Variants in DNHD1 observed in about 807,000 individuals in gnomAD.
The protein encoded by DNHD1 is dynein heavy chain domain-containing protein 1.
In DNHD1, 383 loss-of-function variants were observed where a neutral mutation model predicts 458.1. The observed-to-expected ratio is 0.84, with a 90% CI of 0.77 to 0.91. The LOEUF (loss-of-function observed/expected upper bound fraction) is 0.91. Among genes scored for constraint, DNHD1 ranks in the 40% least tolerant of loss-of-function variants. DNHD1 has a pLI of 0.00. For synonymous variants in DNHD1, 2,203 were observed against 2,376.9 expected (o/e 0.93, Z 2.13); for missense variants, 5,336 against 5,866.1 (o/e 0.91, Z 2.95).
In DNHD1 at chr11:6,523,004, A is replaced by C. The variant is rs552529180; in HGVS notation, c.1837+2715A>C. Among the ~76,000 whole-genome samples the C allele has an allele frequency of 1.3e-3, 204 of 152,342 alleles. 1 individual carries two copies. Among genetic ancestry groups the C allele is most frequent in the African/African-American group, 4.8e-3 (200 of 41,590 alleles). On this transcript the variant is annotated intron_variant, in intron 10 of 42. Coordinates refer to ENST00000254579, the MANE Select transcript of DNHD1 (RefSeq NM_144666.3). ...TTGATGTCCTTACAATTTTATCGGA[A>C]GTTTTCTGCAGTTCAAAACTCAGAA...
chr11:6,567,983 G>T, intron 36 of DNHD1, 73 bp from the exon 37 acceptor site: 1 of 1,482,278 alleles, frequency 6.7e-7, no homozygotes, highest in South Asian at 1.4e-5. Flanking sequence ...GATCATGGTA[G>T]CATTAGTTTG....
At position 6,571,224 on chromosome 11, in the gene DNHD1, A is replaced by T; in HGVS notation, c.13712A>T (p.Asp4571Val). The T allele has an allele frequency of 6.2e-7, 1 of 1,611,434 alleles. No homozygotes were observed. Among genetic ancestry groups the T allele is most frequent in the Non-Finnish European group, 8.5e-7 (1 of 1,179,038 alleles). ...GTTCGTTACTTGGGCGTGGGCGCGG[A>T]CGCGAGCAGTGATGTACCAGAGCGC... ...LLVRYLGVGA[D>V]ASSDVPERVF... Residue 4571 changes from aspartate (D) to valine (V), a missense_variant, in exon 42 of 43, where the codon GAC (aspartate) becomes GTC (valine). Physicochemically the swap from Asp to Val is radical, Grantham distance 152. Around this residue, in one of 4 missense-constraint regions of DNHD1, gnomAD observed 698 missense variants for 664.9 expected, o/e 1.05. Coordinates refer to ENST00000254579, the MANE Select transcript of DNHD1 (RefSeq NM_144666.3). This position sits in a 1 kb window ranked among gnomAD's most constrained non-coding sequence, Gnocchi z 5.0.
At position 6,557,776 on chromosome 11, in the gene DNHD1, G is replaced by A; in HGVS notation, c.8481G>A (p.Leu2827=). The A allele has an allele frequency of 6.4e-6, 10 of 1,551,576 alleles. 1 individual carries two copies. Among genetic ancestry groups the A allele is most frequent in the Non-Finnish European group, 7.8e-6 (9 of 1,146,966 alleles). Residue 2827 remains leucine (L), a synonymous_variant, in exon 25 of 43, where the codon CTG becomes CTA. Coordinates refer to ENST00000254579, the MANE Select transcript of DNHD1 (RefSeq NM_144666.3). ...TGGTCTTCAGTCAGGAGCTGATACT[G>A]GGGCCTAACTCTGAGACCCCCAACT... ...SDLVFSQELI[L]GPNSETPNLY...
intron 36 of DNHD1, 26 bp downstream of exon 36, chr11:6,567,886 G>A: frequency 1.3e-6 from 2 of 1,584,290 alleles, no homozygotes; most frequent in Non-Finnish European, 1.7e-6. Flanking sequence ...CTTGGCCACA[G>A]AGTGACCAGG....
intron 31 of DNHD1, 97 bp from the exon 32 acceptor site, chr11:6,564,236 C>A: frequency 6.9e-7 from 1 of 1,451,674 alleles, no homozygotes; most frequent in Non-Finnish European, 9.3e-7. Context: ...CCTTGCCGTA[C>A]TTTCCTCCAC....
At chr11:6,538,348 AG>A in intron 14 of DNHD1, 34 bp from the exon 15 acceptor site, 1 of 1,551,166 alleles carries the variant, frequency 6.4e-7, no homozygotes, top group Non-Finnish European at 8.7e-7. Context: ...CAACACTGCA[AG>A]TAGCCCAGGT....
chr11:6,502,653 G>C (rs1328724618), intron 3 of DNHD1, 100 bp from the exon 4 acceptor site: 8 of 1,153,162 alleles, frequency 6.9e-6, no homozygotes, highest in Non-Finnish European at 8.3e-6. Context: ...TCAGGCACCT[G>C]ATCTAGTCCT....
Position 6,570,805 on chromosome 11 carries a change from C to G in DNHD1, c.13293C>G (p.Gly4431=), listed in dbSNP as rs746397574. ...SPVWVPESRR[G]AQLAERRLRQ... is the part of the protein sequence containing the mutation. ...TGTGGGTTCCTGAGTCTCGAAGAGGCGCCCAGCTTGCGGAAAGGCGACTGC... is the reference window on the plus strand; with the variant it reads ...TGTGGGTTCCTGAGTCTCGAAGAGGGGCCCAGCTTGCGGAAAGGCGACTGC... The change falls in exon 42 of 43, where the codon GGC becomes GGG. Residue 4431 remains glycine (G), a synonymous_variant. Coordinates refer to ENST00000254579, the MANE Select transcript of DNHD1 (RefSeq NM_144666.3). The G allele has an allele frequency of 1.9e-6, 3 of 1,613,800 alleles. No homozygotes were observed. Among genetic ancestry groups the G allele is most frequent in the South Asian group, 2.2e-5 (2 of 91,066 alleles).
rs1016863374 is a variant in DNHD1 at position 6,563,415 on chromosome 11, C to G, written c.9703C>G (p.Leu3235Val). The change falls in exon 30 of 43, where the codon CTG becomes GTG. Residue 3235 changes from leucine to valine, a missense_variant. Physicochemically the swap from Leu to Val is conservative, Grantham distance 32. Around this residue, in one of 4 missense-constraint regions of DNHD1, gnomAD observed 3,932 missense variants for 4,365.6 expected, o/e 0.90. Transcript: ENST00000254579. Reference sequence around the variant, plus strand: ...GGCATTTCTGGAGCCTCTGAGCCAGCTGCAGGTGGCTGACTTTGAGGAGAT... The same window carrying G: ...GGCATTTCTGGAGCCTCTGAGCCAGGTGCAGGTGGCTGACTTTGAGGAGAT... ...SKAFLEPLSQ[L>V]QVADFEEIRS... 4.1e-5 allele frequency: 64 copies of G among 1,551,586 alleles called. No homozygotes were observed. Among genetic ancestry groups the G allele is most frequent in the Non-Finnish European group, 5.4e-5 (62 of 1,147,004 alleles).
intron 39 of DNHD1, among the ~76,000 whole-genome samples, chr11:6,569,316 T>A (rs1307477207): frequency 6.6e-6 from 1 of 152,070 alleles, no homozygotes. Flanking sequence ...ACCCCATCTG[T>A]ACTAAAAATA....
At position 6,571,975 on chromosome 11, in the gene DNHD1, C is replaced by T. The variant is rs372653037; in HGVS notation, c.14251C>T (p.Pro4751Ser). Residue 4751 changes from proline to serine, a missense_variant, in exon 43 of 43, where the codon CCC (proline) becomes TCC (serine). Coordinates refer to ENST00000254579, the MANE Select transcript of DNHD1 (RefSeq NM_144666.3). This position sits in a 1 kb window ranked among gnomAD's most constrained non-coding sequence, Gnocchi z 5.0. ...AAGGAGGGTCCATGTGTGCAGCCCACCCCTGTCTTGAGCCCGTCTACCAAA... is the reference window on the plus strand; with the variant it reads ...AAGGAGGGTCCATGTGTGCAGCCCATCCCTGTCTTGAGCCCGTCTACCAAA... Reference protein sequence around the residue: ...VQRRVHVCSPPLS With the variant: ...VQRRVHVCSPSLS The T allele has an allele frequency of 6.2e-7, 1 of 1,603,710 alleles. No homozygotes were observed. The highest frequency in any genetic ancestry group is 8.5e-7 in the Non-Finnish European group (1 of 1,172,444).
At position 6,571,048 on chromosome 11, in the gene DNHD1, C is replaced by G; in HGVS notation, c.13536C>G (p.Gly4512=). The change falls in exon 42 of 43, where the codon GGC becomes GGG. Residue 4512 remains glycine, a synonymous_variant. Coordinates refer to ENST00000254579, the MANE Select transcript of DNHD1 (RefSeq NM_144666.3). This position sits in a 1 kb window ranked among gnomAD's most constrained non-coding sequence, Gnocchi z 5.0. ...DLDCLLQQLK[G]APPCPSRRCA... ...ATTGCCTGTTGCAGCAGCTGAAGGG[C>G]GCACCCCCGTGCCCCTCCCGCCGCT... is the stretch of plus-strand genomic sequence containing the variant. The G allele has an allele frequency of 6.3e-7, 1 of 1,578,620 alleles. No individual in the cohort carries two copies. Among genetic ancestry groups the G allele is most frequent in the South Asian group, 1.2e-5 (1 of 86,092 alleles).
In DNHD1 at chr11:6,538,797, G is replaced by A. The variant is rs1853024851; in HGVS notation, c.3312G>A (p.Gln1104=). ...TCCACCCACAGAGCCTCAACTGCCA[G>A]TGTCTCCTGCGTGGTATGTTTGGTT... ...GSLHPQSLNC[Q]CLLRALGLGS... is the part of the protein sequence containing the mutation. The change falls in exon 16 of 43, where the codon CAG becomes CAA. Residue 1104 remains glutamine, a synonymous_variant. Transcript: ENST00000254579. 2.0e-6 allele frequency: 3 copies of A among 1,521,296 alleles called. No homozygotes were observed. In the Admixed American group the frequency reaches 6.1e-5, roughly 31 times the overall value. 94.2% of individuals were successfully genotyped at this position (1,521,296 alleles called of 1,614,324 possible).
intron 14 of DNHD1, among the ~76,000 whole-genome samples, chr11:6,537,283 C>T (rs1852973552): frequency 6.6e-6 from 1 of 152,146 alleles, no homozygotes; most frequent in Non-Finnish European, 1.5e-5. Flanking sequence ...ATGACAGGTC[C>T]TCTATGTGGG....
chr11:6,545,078 C>T lies in DNHD1; in HGVS notation c.4139C>T (p.Ala1380Val), dbSNP rs780918350. ...LLAARLESCE[A>V]QLWVRRCFPH... ...GCTGCTCGACTGGAATCATGCGAAG[C>T]CCAGCTATGGGTACGACGCTGCTTT... is the stretch of plus-strand genomic sequence containing the variant. The change falls in exon 21 of 43, where the codon GCC becomes GTC. Residue 1380 changes from alanine (A) to valine (V), a missense_variant. Physicochemically the swap from Ala to Val is moderately conservative, Grantham distance 64. Transcript: ENST00000254579. The surrounding 1 kb of genome is among the most constrained non-coding windows in gnomAD (Gnocchi z 4.9). 5.8e-6 allele frequency: 9 copies of T among 1,551,962 alleles called. No homozygotes were observed. In the South Asian group the frequency reaches 9.5e-5, roughly 16 times the overall value.
chr11:6,539,934 G>A lies in DNHD1; in HGVS notation c.3479G>A (p.Arg1160Gln), dbSNP rs943410229. The change falls in exon 18 of 43, where the codon CGG becomes CAG. Residue 1160 changes from arginine (R) to glutamine (Q), a missense_variant. Transcript: ENST00000254579. The stretch of plus-strand genomic sequence containing the variant: ...CAAGAGACTATACGGCGGTTGCAGC[G>A]GTACTGGGAAGCGCGCCAGCTGCGC... ...HAQETIRRLQ[R>Q]YWEARQLRLL... The A allele has an allele frequency of 3.5e-5, 55 of 1,551,628 alleles. No homozygotes were observed. The Admixed American group carries it at 8.4e-4, about 24-fold the overall frequency.
Position 6,498,673 on chromosome 11 carries a change from A to G in DNHD1, c.458A>G (p.Lys153Arg). ...SASHADCCPQ[K>R]RRLHHRPPCP... Reference sequence around the variant, plus strand: ...TCCCATGCTGACTGCTGTCCCCAGAAGCGGAGGCTCCATCACAGGCCCCCA... The same window carrying G: ...TCCCATGCTGACTGCTGTCCCCAGAGGCGGAGGCTCCATCACAGGCCCCCA... Residue 153 changes from lysine (K) to arginine (R), a missense_variant, in exon 3 of 43, where the codon AAG becomes AGG. This residue lies in a region of DNHD1 where 3,932 missense variants were observed against 4,365.6 expected (regional missense o/e 0.90). Coordinates refer to ENST00000254579, the MANE Select transcript of DNHD1 (RefSeq NM_144666.3). The G allele has an allele frequency of 6.2e-7, 1 of 1,614,202 alleles. No individual in the cohort carries two copies. The highest frequency in any genetic ancestry group is 1.3e-5 in the African/African-American group (1 of 75,052).
chr11:6,563,989 G>A lies in DNHD1; in HGVS notation c.10149G>A (p.Lys3383=), dbSNP rs1853638903. 2 of 1,551,768 alleles carry A rather than the reference G, an allele frequency of 1.3e-6. No individual in the cohort carries two copies. The highest frequency in any genetic ancestry group is 1.7e-6 in the Non-Finnish European group (2 of 1,147,008). Residue 3383 remains lysine, a synonymous_variant, in exon 31 of 43, where the codon AAG becomes AAA. Transcript: ENST00000254579. ...TGGAGCATAATTTGGCCCTGGCTAA[G>A]ATGGTGGAGGATGCCCAAGCTTCCC... The part of the protein sequence containing the change: ...ETLEHNLALA[K]MVEDAQASHN...
rs796114000 is a variant in DNHD1, at chr11:6,545,725, C to A, written c.4786C>A (p.Leu1596Ile). The A allele has an allele frequency of 3.2e-6, 5 of 1,551,696 alleles. No homozygotes were observed. In the Admixed American group the frequency reaches 5.9e-5, roughly 18 times the overall value. Residue 1596 changes from leucine (L) to isoleucine (I), a missense_variant, in exon 21 of 43, where the codon CTC becomes ATC. Physicochemically the swap from Leu to Ile is conservative, Grantham distance 5 (BLOSUM62 2). Transcript: ENST00000254579. The surrounding 1 kb of genome is among the most constrained non-coding windows in gnomAD (Gnocchi z 4.9). ...GCTGGAACAGCACCAGGTCAGTGATCTCACAGACTTTCACTGGGTCCGCCA... is the reference window on the plus strand; with the variant it reads ...GCTGGAACAGCACCAGGTCAGTGATATCACAGACTTTCACTGGGTCCGCCA... Reference protein sequence around the residue: ...QLLEQHQVSDLTDFHWVRQLK... With the variant: ...QLLEQHQVSDITDFHWVRQLK...
Sources: gnomAD v4.1 joint callset for allele counts (sites outside exome capture counted in the v4.1 genomes callset) on GRCh38, gnomAD v4.1.1 for gene constraint, gnomAD v4.1.1 regional missense constraint, Gnocchi (gnomAD v3.1) non-coding constraint, MANE v1.5 for transcripts, NCBI Gene and HGNC (gene_info 2026-07-23, HGNC 2026-07-21) for gene names.